Variants in SOD2 observed in about 807,000 individuals in gnomAD.
SOD2 encodes the protein superoxide dismutase [Mn], mitochondrial.
SOD2 carries 11 observed loss-of-function variants against 27.0 expected under a neutral mutation model. The ratio of observed to expected loss-of-function variants is 0.41; its 90% CI spans 0.26 to 0.67. The LOEUF (loss-of-function observed/expected upper bound fraction) is 0.67, where lower values mean the gene tolerates loss of function less well. Among genes scored for constraint, SOD2 ranks in the 30% least tolerant of loss-of-function variants. SOD2 has a pLI of 0.34. For synonymous variants in SOD2, 105 were observed against 103.0 expected (o/e 1.02, Z -0.12); for missense variants, 250 against 274.5 (o/e 0.91, Z 0.63).
chr6:159,710,270 C>CATATATATATATATATAT (rs141490345), intron 1 of SOD2, among the ~76,000 whole-genome samples: 13 of 143,484 alleles, frequency 9.1e-5, no homozygotes, highest in African/African-American at 3.2e-4. Context: ...AGTATAAATA[C>CATATATATATATATATAT]ATATATATAT....
intron 1 of SOD2, among the ~76,000 whole-genome samples, chr6:159,759,318 C>T (rs546127259): frequency 1.2e-4 from 18 of 149,258 alleles, no homozygotes; most frequent in African/African-American, 4.4e-4. Context: ...CTCGGCCTCC[C>T]AAAGTGCTGG....
At chr6:159,707,141 C>T (rs187876324) in intron 1 of SOD2, among the ~76,000 whole-genome samples, 78 of 152,008 alleles carry the variant, frequency 5.1e-4, no homozygotes, top group African/African-American at 1.8e-3. Context: ...AAATTTATAG[C>T]ACTAAATGCC....
In SOD2 at chr6:159,714,321, G is replaced by A. The variant is rs549060468; in HGVS notation, c.-116+12808C>T. 5.9e-5 allele frequency among the ~76,000 whole-genome samples: 9 copies of A among 152,104 alleles called. No individual in the cohort carries two copies. In the East Asian group the frequency reaches 1.7e-3, roughly 29 times the overall value. On this transcript the variant is annotated intron_variant, in intron 1 of 2. Transcript: ENST00000401980. ...TCCCTCCAGAAACCCAATGACCTTGGACTTCCCTGAGTCCCACACTGGCTG... is the reference window on the plus strand; with the variant it reads ...TCCCTCCAGAAACCCAATGACCTTGAACTTCCCTGAGTCCCACACTGGCTG...
chr6:159,727,657 C>T, upstream of SOD2: 2 of 985,712 alleles, frequency 2.0e-6, no homozygotes, highest in Non-Finnish European at 2.4e-6. Context: ...GCAGCGCGGC[C>T]TCGGCCTATG....
intron 1 of SOD2, among the ~76,000 whole-genome samples, chr6:159,739,256 T>C (rs966833951): frequency 6.6e-6 from 1 of 152,228 alleles, no homozygotes; most frequent in Non-Finnish European, 1.5e-5. Context: ...GCTATAAGTT[T>C]AACAAATATA....
chr6:159,748,502 C>T, upstream of SOD2: 1 of 1,474,378 alleles, frequency 6.8e-7, no homozygotes, highest in East Asian at 2.5e-5. This position sits in a 1 kb window ranked among gnomAD's most constrained non-coding sequence, Gnocchi z 5.6. Flanking sequence ...CACATTCTTA[C>T]ACTGTCCAGC....
At chr6:159,705,247 A>G (rs1422416365) in intron 1 of SOD2, among the ~76,000 whole-genome samples, 2 of 152,388 alleles carry the variant, frequency 1.3e-5, no homozygotes, top group East Asian at 3.9e-4. Flanking sequence ...GCTCCTCACC[A>G]GCAATGGAAC....
chr6:159,720,693 A>G (rs1778018784), intron 1 of SOD2, among the ~76,000 whole-genome samples: 1 of 152,094 alleles, frequency 6.6e-6, no homozygotes, highest in African/African-American at 2.4e-5. Flanking sequence ...TAGAATAATT[A>G]TCTTTGCTAG....
At chr6:159,762,158 G>C in exon 1 of SOD2, 1 of 1,607,630 alleles carries the variant, frequency 6.2e-7, no homozygotes, top group East Asian at 2.2e-5. Context: ...TGGCCGGCGG[G>C]AGCCGCGCAG....
At chr6:159,727,812 C>G, upstream of SOD2, 1 of 788,060 alleles carries the variant, frequency 1.3e-6, no homozygotes, top group Non-Finnish European at 1.5e-6. Flanking sequence ...CGAAAGGCCA[C>G]ACGGGCCTGG....
At chr6:159,728,145 A>G (rs1223760168), upstream of SOD2, among the ~76,000 whole-genome samples, 2 of 152,346 alleles carry the variant, frequency 1.3e-5, no homozygotes, top group Admixed American at 6.5e-5. Context: ...GTAGGATGTT[A>G]CTACGTTCTC....
chr6:159,693,663 C>T (rs1015561854), upstream of SOD2, among the ~76,000 whole-genome samples: 2 of 152,190 alleles, frequency 1.3e-5, no homozygotes, highest in East Asian at 3.9e-4. Context: ...GCCGGGGGGC[C>T]GCGGGGTCCA....
chr6:159,687,071 C>G (rs1350287514), intron 3 of SOD2, among the ~76,000 whole-genome samples: 1 of 152,136 alleles, frequency 6.6e-6, no homozygotes, highest in Admixed American at 6.6e-5. Context: ...TGAAAAATAG[C>G]AAATGACACT....
upstream of SOD2, chr6:159,748,265 G>A (rs773630916): frequency 3.6e-5 from 58 of 1,613,878 alleles, no homozygotes; most frequent in Non-Finnish European, 4.3e-5. The surrounding 1 kb of genome is among the most constrained non-coding windows in gnomAD (Gnocchi z 5.6). Context: ...TAGACCCAGC[G>A]ATCAACTTGT....
chr6:159,746,716 T>C (rs1779598534), upstream of SOD2, among the ~76,000 whole-genome samples: 3 of 152,332 alleles, frequency 2.0e-5, no homozygotes, highest in African/African-American at 7.2e-5. Context: ...TTCACCTCAG[T>C]GGTATTTCTG....
At chr6:159,744,275 C>G (rs183772988) in intron 1 of SOD2, among the ~76,000 whole-genome samples, 482 of 152,230 alleles carry the variant, frequency 3.2e-3, no homozygotes, top group Non-Finnish European at 5.8e-3. Context: ...ACTATGTCTA[C>G]GTAGATCTGA....
upstream of SOD2, among the ~76,000 whole-genome samples, chr6:159,728,821 A>G (rs949769928): frequency 6.6e-6 from 1 of 152,212 alleles, no homozygotes; most frequent in Non-Finnish European, 1.5e-5. Context: ...CAGTGCTTTT[A>G]TATGTTAAGG....
chr6:159,760,043 A>G (rs539518460), intron 1 of SOD2, among the ~76,000 whole-genome samples: 63 of 152,352 alleles, frequency 4.1e-4, no homozygotes, highest in African/African-American at 1.5e-3. Flanking sequence ...AGTAGAGGAG[A>G]CAGATAAACT....
intron 1 of SOD2, among the ~76,000 whole-genome samples, chr6:159,715,412 C>T (rs1777907141): frequency 6.6e-6 from 1 of 152,128 alleles, no homozygotes. Context: ...TACAGTTTGT[C>T]AACAGTCACA....
Sources: gnomAD v4.1 joint callset for allele counts (sites outside exome capture counted in the v4.1 genomes callset) on GRCh38, gnomAD v4.1.1 for gene constraint, Gnocchi (gnomAD v3.1) non-coding constraint, MANE v1.5 for transcripts, NCBI Gene and HGNC (gene_info 2026-07-23, HGNC 2026-07-21) for gene names.